Variants in FGF12 observed in about 807,000 individuals in gnomAD.
FGF12 encodes the protein fibroblast growth factor 12.
In FGF12, 14 loss-of-function variants were observed where a neutral mutation model predicts 23.6. That is an observed-to-expected ratio of 0.59 (90% CI 0.39 to 0.93). FGF12 has a LOEUF of 0.93. Ranked by LOEUF, FGF12 falls within the 40% of genes least tolerant of loss-of-function variation. The pLI is 0.00. For missense variants in FGF12, 175 were observed against 217.8 expected, an observed-to-expected ratio of 0.80 and a Z score of 1.24; for synonymous variants, 62 against 77.3, an observed-to-expected ratio of 0.80 and a Z score of 1.04.
intron 2 of FGF12, among the ~76,000 whole-genome samples, chr3:192,631,674 A>T (rs1715396394): frequency 6.6e-6 from 1 of 152,218 alleles, no homozygotes; most frequent in South Asian, 2.1e-4. Context: ...ACTAGACATG[A>T]CACATTGAAG....
intron 2 of FGF12, among the ~76,000 whole-genome samples, chr3:192,594,992 T>G (rs1294300787): frequency 1.3e-5 from 2 of 152,198 alleles, no homozygotes; most frequent in Admixed American, 6.5e-5. Flanking sequence ...TAAAGTTAGA[T>G]GCCAACTTGT....
chr3:192,142,688 A>G lies in FGF12; in HGVS notation c.*1321T>C, dbSNP rs934811142. ...TTTGCTCCTTTCAGCTGCTCACACA[A>G]TCCTGTCTGTTGGAGTCATAGCTGC... is the stretch of plus-strand genomic sequence containing the variant. On this transcript the variant is annotated 3_prime_UTR_variant, in exon 6 of 6. Coordinates refer to ENST00000445105, the MANE Select transcript of FGF12 (RefSeq NM_004113.6). The G allele has an allele frequency of 6.6e-6, 1 of 151,938 alleles. No individual in the cohort carries two copies. Among genetic ancestry groups the G allele is most frequent in the Non-Finnish European group, 1.5e-5 (1 of 67,942 alleles). The allele number at this position is 151,938 out of a possible 1,614,324, so 9.4% of individuals were successfully genotyped here. A position where few individuals can be genotyped will look rare whatever the true frequency, so the allele number is the denominator to read the frequency against.
chr3:192,235,666 G>T (rs1158186794), intron 4 of FGF12, among the ~76,000 whole-genome samples: 1 of 152,094 alleles, frequency 6.6e-6, no homozygotes, highest in African/African-American at 2.4e-5. Context: ...GTTCATAATA[G>T]TCTCCGGGGA....
chr3:192,330,763 C>T (rs1717073645), intron 4 of FGF12, among the ~76,000 whole-genome samples: 1 of 151,948 alleles, frequency 6.6e-6, no homozygotes, highest in Non-Finnish European at 1.5e-5. Flanking sequence ...CTAGAATAAA[C>T]ATAGGAAAAA....
chr3:192,241,602 C>A (rs1262963152), intron 4 of FGF12, among the ~76,000 whole-genome samples: 1 of 151,954 alleles, frequency 6.6e-6, no homozygotes, highest in Non-Finnish European at 1.5e-5. Context: ...TTCTAATGAG[C>A]AGAAGCAGCA....
At chr3:192,260,696 T>G (rs2108616859) in intron 4 of FGF12, among the ~76,000 whole-genome samples, 1 of 152,298 alleles carries the variant, frequency 6.6e-6, no homozygotes, top group East Asian at 1.9e-4. Context: ...AAGTTATTGC[T>G]GTGTTGTAAG....
Position 192,434,828 on chromosome 3 carries a change from T to A in FGF12, c.14-74290A>T, listed in dbSNP as rs185892864. Among the ~76,000 whole-genome samples, 7 of 152,016 alleles carry A rather than the reference T, an allele frequency of 4.6e-5. No homozygotes were observed. The East Asian group carries it at 1.4e-3, about 29-fold the overall frequency. On this transcript the variant is annotated intron_variant, in intron 2 of 5. Transcript: ENST00000445105. ...TAGTTTAAAACCCCTATGATCAGGA[T>A]ATTAAAAAAAAAACAAGAAAGATAA...
chr3:192,686,299 C>G (rs1717729289), intron 2 of FGF12, among the ~76,000 whole-genome samples: 1 of 152,084 alleles, frequency 6.6e-6, no homozygotes. Context: ...GAAAGACAGG[C>G]ACAGAGGCAA....
chr3:192,183,106 C>G (rs1262777945), intron 4 of FGF12, among the ~76,000 whole-genome samples: 1 of 152,092 alleles, frequency 6.6e-6, no homozygotes, highest in Non-Finnish European at 1.5e-5. Context: ...TGGGACGCAG[C>G]ATGTGGTGCA....
At chr3:192,407,723 T>TGAATG (rs760552008) in intron 2 of FGF12, among the ~76,000 whole-genome samples, 18,555 of 147,520 alleles carry the variant, frequency 0.13, 1,571 homozygotes, top group East Asian at 0.43. Context: ...ATGAATGAAT[T>TGAATG]AATGAATGAA....
At chr3:192,517,025 A>G (rs1443027632) in intron 2 of FGF12, 2 of 152,240 alleles carry the variant, frequency 1.3e-5, no homozygotes, top group Middle Eastern at 3.2e-3. Flanking sequence ...GGGCTCTCCT[A>G]TTCTGGAACC....
intron 4 of FGF12, among the ~76,000 whole-genome samples, chr3:192,197,818 T>C (rs1717151250): frequency 6.6e-6 from 1 of 151,986 alleles, no homozygotes; most frequent in Non-Finnish European, 1.5e-5. Flanking sequence ...TGGTGGTACA[T>C]GCCTGTAATC....
intron 2 of FGF12, among the ~76,000 whole-genome samples, chr3:192,711,192 G>A (rs910999813): frequency 3.3e-5 from 5 of 152,242 alleles, no homozygotes; most frequent in African/African-American, 1.2e-4. Flanking sequence ...AGGTTATAGA[G>A]GGAGATTAAA....
intron 2 of FGF12, among the ~76,000 whole-genome samples, chr3:192,563,090 AAAG>A (rs1264941671): frequency 2.6e-5 from 4 of 152,236 alleles, no homozygotes; most frequent in East Asian, 3.8e-4. Flanking sequence ...ATATGCCATG[AAAG>A]AAGATTAGAC....
chr3:192,158,714 T>G (rs570642019), intron 5 of FGF12, among the ~76,000 whole-genome samples: 2 of 133,160 alleles, frequency 1.5e-5, no homozygotes, highest in East Asian at 5.0e-4. Context: ...CCTTCCTTCC[T>G]TCTCCCTCTC....
chr3:192,334,949 T>C (rs1007288882), intron 4 of FGF12, among the ~76,000 whole-genome samples: 1 of 152,140 alleles, frequency 6.6e-6, no homozygotes, highest in Non-Finnish European at 1.5e-5. Flanking sequence ...TCACAAATTA[T>C]GAACGTTTTT....
chr3:192,614,671 G>A (rs950118853), intron 2 of FGF12, among the ~76,000 whole-genome samples: 2 of 151,834 alleles, frequency 1.3e-5, no homozygotes, highest in African/African-American at 4.8e-5. Flanking sequence ...ATTTTAAAAG[G>A]AAACATTTCT....
At chr3:192,363,436 G>A (rs1718831970) in intron 2 of FGF12, among the ~76,000 whole-genome samples, 1 of 152,050 alleles carries the variant, frequency 6.6e-6, no homozygotes, top group South Asian at 2.1e-4. Flanking sequence ...TCAGGATAAT[G>A]AGCATCAGAC....
At chr3:192,204,529 A>G (rs918803642) in intron 4 of FGF12, among the ~76,000 whole-genome samples, 2 of 152,214 alleles carry the variant, frequency 1.3e-5, no homozygotes, top group Non-Finnish European at 2.9e-5. Flanking sequence ...GCATTTTAAT[A>G]ACCTGTGAAG....
Sources: allele counts gnomAD v4.1 joint callset (sites outside exome capture counted in the v4.1 genomes callset), GRCh38; gene constraint gnomAD v4.1.1; transcripts MANE v1.5; gene names NCBI Gene and HGNC (gene_info 2026-07-23, HGNC 2026-07-21).